FILIP1: variants seen among roughly 807,000 people sequenced by gnomAD.
FILIP1 encodes the protein filamin A interacting protein 1, also known as filamin-A-interacting protein 1.
FILIP1 carries 61 observed loss-of-function variants against 102.1 expected under a neutral mutation model. That is an observed-to-expected ratio of 0.60 (90% confidence interval 0.49 to 0.74). FILIP1 has a LOEUF of 0.74. Among genes scored for constraint, FILIP1 ranks in the 30% least tolerant of loss-of-function variants. FILIP1 has a pLI of 0.00. For synonymous variants in FILIP1, 491 were observed against 526.9 expected, an observed-to-expected ratio of 0.93 and a Z score of 0.93; for missense variants, 1,314 against 1,441.2, an observed-to-expected ratio of 0.91 and a Z score of 1.43.
intron 2 of FILIP1, among the ~76,000 whole-genome samples, chr6:75,369,877 C>T (rs975781471): frequency 1.3e-5 from 2 of 152,214 alleles, no homozygotes; most frequent in South Asian, 2.1e-4. Context: ...GACTCTTAGA[C>T]GATGTAACCA....
intron 4 of FILIP1, among the ~76,000 whole-genome samples, chr6:75,338,947 A>G (rs939068177): frequency 5.3e-5 from 8 of 152,326 alleles, no homozygotes; most frequent in African/African-American, 1.7e-4. Context: ...TATACATCTC[A>G]CTGATGCTTC....
downstream of FILIP1, among the ~76,000 whole-genome samples, chr6:75,306,315 A>T (rs563635986): frequency 4.6e-5 from 7 of 152,314 alleles, no homozygotes; most frequent in East Asian, 1.3e-3. Flanking sequence ...TGTAGATGGT[A>T]TAGACTTCCT....
rs891538655 is a variant in FILIP1, at chr6:75,314,522, T to A, written c.1310A>T (p.Lys437Ile). 2 of 1,613,038 alleles carry A rather than the reference T, an allele frequency of 1.2e-6. No individual in the cohort carries two copies. Among genetic ancestry groups the A allele is most frequent in the Non-Finnish European group, 1.7e-6 (2 of 1,179,812 alleles). Residue 437 changes from lysine (K) to isoleucine (I), a missense_variant, in exon 5 of 6, where the codon AAA becomes ATA. Transcript: ENST00000237172. ...KLQKRMSELE[K>I]LEEAFSKSKS... Reference sequence around the variant, plus strand: ...ACTCTTGCTAAATGCTTCTTCCAATTTCTCTAGTTCAGACATTCTCTTCTG... The same window carrying A: ...ACTCTTGCTAAATGCTTCTTCCAATATCTCTAGTTCAGACATTCTCTTCTG...
intron 2 of FILIP1, among the ~76,000 whole-genome samples, chr6:75,409,945 C>A (rs2149682130): frequency 6.6e-6 from 1 of 152,218 alleles, no homozygotes; most frequent in African/African-American, 2.4e-5. Flanking sequence ...CCCTTGCCCA[C>A]CAAATTATCC....
intron 2 of FILIP1, chr6:75,366,192 C>T (rs778778798): frequency 1.1e-4 from 17 of 152,170 alleles, no homozygotes; most frequent in Admixed American, 6.5e-5. Context: ...GGAATCACAG[C>T]AGAACTATTT....
chr6:75,329,418 C>T (rs1408620488), intron 4 of FILIP1, among the ~76,000 whole-genome samples: 10 of 152,184 alleles, frequency 6.6e-5, no homozygotes. Context: ...CTTAATCCAT[C>T]GGACCCCGTT....
chr6:75,401,439 T>A (rs1270346649), intron 2 of FILIP1, among the ~76,000 whole-genome samples: 1 of 152,194 alleles, frequency 6.6e-6, no homozygotes, highest in South Asian at 2.1e-4. Context: ...TATTCTCTTA[T>A]CCCTTTGCTT....
intron 1 of FILIP1, among the ~76,000 whole-genome samples, chr6:75,434,002 T>C (rs1562593066): frequency 6.6e-6 from 1 of 152,174 alleles, no homozygotes. Context: ...TGGTTGTAGA[T>C]GTGTGGTATT....
At chr6:75,389,037 T>A (rs1164368699) in intron 2 of FILIP1, among the ~76,000 whole-genome samples, 4 of 152,236 alleles carry the variant, frequency 2.6e-5, no homozygotes, top group African/African-American at 9.6e-5. Flanking sequence ...TATTTTGAGA[T>A]ATGTTCCATC....
chr6:75,366,742 A>C (rs1309833428), intron 2 of FILIP1, among the ~76,000 whole-genome samples: 1 of 152,238 alleles, frequency 6.6e-6, no homozygotes, highest in Non-Finnish European at 1.5e-5. Flanking sequence ...GAATTTTATA[A>C]GATATATTTT....
At chr6:75,442,023 C>T (rs1473756918) in intron 1 of FILIP1, among the ~76,000 whole-genome samples, 15 of 151,034 alleles carry the variant, frequency 9.9e-5, no homozygotes, top group African/African-American at 3.4e-4. Context: ...CGGAGGGGCT[C>T]CTCACTTCTG....
At chr6:75,322,254 T>G (rs1371087995) in intron 4 of FILIP1, among the ~76,000 whole-genome samples, 3 of 152,242 alleles carry the variant, frequency 2.0e-5, no homozygotes, top group African/African-American at 7.2e-5. Flanking sequence ...AATTTCATTT[T>G]ACACTTCAAA....
At chr6:75,302,803 GATGAT>G (rs1166537005) in intron 6 of FILIP1, among the ~76,000 whole-genome samples, 3 of 137,828 alleles carry the variant, frequency 2.2e-5, no homozygotes, top group African/African-American at 5.4e-5. Flanking sequence ...AAATAGAGAT[GATGAT>G]ATGATATGAT....
At chr6:75,377,313 C>CTGT (rs1775780170) in intron 2 of FILIP1, among the ~76,000 whole-genome samples, 1 of 152,114 alleles carries the variant, frequency 6.6e-6, no homozygotes, top group Admixed American at 6.6e-5. Flanking sequence ...AATATTTGGC[C>CTGT]TTACAAGGCC....
At chr6:75,342,737 AG>A (rs1162634419) in intron 4 of FILIP1, among the ~76,000 whole-genome samples, 2 of 152,154 alleles carry the variant, frequency 1.3e-5, no homozygotes, top group Non-Finnish European at 2.9e-5. Flanking sequence ...AATCTGTCCA[AG>A]TTCCTGATCC....
At chr6:75,413,463 T>C (rs1288682499) in intron 2 of FILIP1, among the ~76,000 whole-genome samples, 3 of 152,182 alleles carry the variant, frequency 2.0e-5, no homozygotes, top group Non-Finnish European at 2.9e-5. Context: ...CTGTAAATGG[T>C]AAGCTCAATC....
At chr6:75,417,550 A>T (rs543531560) in intron 1 of FILIP1, among the ~76,000 whole-genome samples, 2 of 152,326 alleles carry the variant, frequency 1.3e-5, no homozygotes, top group East Asian at 3.9e-4. Context: ...CATGTGTCAC[A>T]TTTAGTGACA....
intron 1 of FILIP1, among the ~76,000 whole-genome samples, chr6:75,446,486 T>C (rs1195294416): frequency 6.6e-6 from 1 of 152,172 alleles, no homozygotes; most frequent in Non-Finnish European, 1.5e-5. Flanking sequence ...CAGAGAAGAC[T>C]GTAGCTCTGC....
In FILIP1 at chr6:75,411,465, T is replaced by C. The variant is rs192671476; in HGVS notation, c.276+3232A>G. 2.1e-3 allele frequency among the ~76,000 whole-genome samples: 322 copies of C among 152,344 alleles called. 2 individuals are homozygous for C. Among genetic ancestry groups the C allele is most frequent in the Non-Finnish European group, 4.0e-3 (270 of 68,036 alleles). On this transcript the variant is annotated intron_variant, in intron 2 of 5. Transcript: ENST00000237172. ...TTTTGGCTTTTGTTGCCATTGCTTT[T>C]GGTGTTTTAGTCAAGAAGTCTTTGC...
Sources: gnomAD v4.1 joint callset for allele counts (sites outside exome capture counted in the v4.1 genomes callset) on GRCh38, gnomAD v4.1.1 for gene constraint, MANE v1.5 for transcripts, NCBI Gene and HGNC (gene_info 2026-07-23, HGNC 2026-07-21) for gene names.